Variants in ASPM observed in about 807,000 individuals in gnomAD.
ASPM encodes abnormal spindle-like microcephaly-associated protein.
A neutral mutation model predicts 366.4 loss-of-function variants in ASPM; 256 were observed. The observed-to-expected ratio is 0.70, with a 90% CI of 0.63 to 0.77. The LOEUF is 0.77. ASPM is among the 30% of genes least tolerant of loss of function. The pLI is 0.00. For missense variants in ASPM, 4,146 were observed against 4,090.4 expected (o/e 1.01, Z -0.37); for synonymous variants, 1,414 against 1,342.9 (o/e 1.05, Z -1.16).
chr1:197,121,710 A>G (rs1657908795), intron 16 of ASPM, among the ~76,000 whole-genome samples: 1 of 152,186 alleles, frequency 6.6e-6, no homozygotes, highest in South Asian at 2.1e-4. Context: ...GGGTGGACAG[A>G]CTGGAAGATA....
At position 197,117,959 on chromosome 1, in the gene ASPM, T is replaced by A; in HGVS notation, c.3895A>T (p.Ile1299Phe). ...AGAAAATTGATTACAGCCAATTGAATAATTCTTGCAGCTTTCTCTCTCTCC... is the reference window on the plus strand; with the variant it reads ...AGAAAATTGATTACAGCCAATTGAAAAATTCTTGCAGCTTTCTCTCTCTCC... The part of the protein sequence containing the change: ...HQEREKAARI[I>F]QLAVINFLAK... The change falls in exon 17 of 28, where the codon ATT becomes TTT. Residue 1299 changes from isoleucine (I) to phenylalanine (F), a missense_variant. Around this residue, in one of 3 missense-constraint regions of ASPM, gnomAD observed 3,624 missense variants for 3,591.7 expected, o/e 1.01. Coordinates refer to ENST00000367409, the MANE Select transcript of ASPM (RefSeq NM_018136.5). The A allele has an allele frequency of 6.2e-7, 1 of 1,613,536 alleles. No homozygotes were observed. The highest frequency in any genetic ancestry group is 8.5e-7 in the Non-Finnish European group (1 of 1,179,648).
chr1:197,129,112 G>C, intron 9 of ASPM, 75 bp downstream of exon 9: 2 of 1,531,852 alleles, frequency 1.3e-6, no homozygotes, highest in South Asian at 2.4e-5. Flanking sequence ...TTTCTAAAGA[G>C]AAAACATACC....
Position 197,084,340 on chromosome 1 carries a change from A to G in ASPM, c.10418T>C (p.Leu3473Pro), listed in dbSNP as rs142462732. 7.4e-6 allele frequency: 12 copies of G among 1,611,006 alleles called. No individual in the cohort carries two copies. The highest frequency in any genetic ancestry group is 9.3e-6 in the Non-Finnish European group (11 of 1,177,680). ...TTACATTTACTAATAAGGAATGCCAAGCGTATCCATCACCATTTGAATAGC... is the reference window on the plus strand; with the variant it reads ...TTACATTTACTAATAAGGAATGCCAGGCGTATCCATCACCATTTGAATAGC... ...LQAIQMVMDT[L>P]GIPY Residue 3473 changes from leucine to proline, a missense_variant, in exon 28 of 28, where the codon CTT becomes CCT. Coordinates refer to ENST00000367409, the MANE Select transcript of ASPM (RefSeq NM_018136.5).
intron 10 of ASPM, among the ~76,000 whole-genome samples, 153 bp from the exon 11 acceptor site, chr1:197,125,344 T>G (rs919760216): frequency 5.9e-5 from 9 of 152,204 alleles, no homozygotes; most frequent in African/African-American, 1.9e-4. Flanking sequence ...ACTCTGTTGC[T>G]CCATAGTCGG....
At position 197,094,125 on chromosome 1, in the gene ASPM, G is replaced by T. The variant is rs1198434711; in HGVS notation, c.9043C>A (p.Leu3015Ile). Residue 3015 changes from leucine to isoleucine, a missense_variant, in exon 20 of 28, where the codon CTT becomes ATT. By Grantham distance (5) the Leu-to-Ile change is conservative (BLOSUM62 2). This residue lies in a region of ASPM where 3,624 missense variants were observed against 3,591.7 expected (regional missense o/e 1.01). Transcript: ENST00000367409. ...IIIQRKWRAILPAKIAHEHFL... is the reference protein window; with the variant it reads ...IIIQRKWRAIIPAKIAHEHFL... ...TGTTCATGAGCTATCTTTGCAGGAA[G>T]TATAGCTCTCCATTTTCTCTGAATG... The T allele has an allele frequency of 6.2e-7, 1 of 1,607,098 alleles. No homozygotes were observed. The highest frequency in any genetic ancestry group is 1.1e-5 in the South Asian group (1 of 90,486).
At chr1:197,138,779 T>C (rs375403120) in intron 4 of ASPM, 5 of 734,622 alleles carry the variant, frequency 6.8e-6, no homozygotes, top group Non-Finnish European at 1.2e-5. Context: ...TTTCTTTGTA[T>C]TGGTGCTCAG....
chr1:197,136,071 C>T (rs1658411044), intron 4 of ASPM, among the ~76,000 whole-genome samples: 1 of 152,152 alleles, frequency 6.6e-6, no homozygotes, highest in Non-Finnish European at 1.5e-5. Flanking sequence ...AACTTGAAGG[C>T]CAGTAGGCAG....
chr1:197,125,025 T>A (rs1658046192), intron 11 of ASPM, 21 bp downstream of exon 11: 1 of 1,612,820 alleles, frequency 6.2e-7, no homozygotes, highest in African/African-American at 1.3e-5. Flanking sequence ...AGAATAAGTT[T>A]TACCTCTACT....
At chr1:197,097,845 G>A (rs1657026829) in intron 18 of ASPM, among the ~76,000 whole-genome samples, 1 of 151,426 alleles carries the variant, frequency 6.6e-6, no homozygotes, top group Admixed American at 6.6e-5. Context: ...TTTGCTTGTG[G>A]CAGTTATAAG....
chr1:197,122,106 T>A (rs1188558131), intron 15 of ASPM, 53 bp downstream of exon 15: 8 of 1,599,882 alleles, frequency 5.0e-6, no homozygotes, highest in Non-Finnish European at 6.8e-6. Flanking sequence ...CTTACTATCA[T>A]CTTCTGAGAC....
chr1:197,122,693 G>A, intron 13 of ASPM, 98 bp from the exon 14 acceptor site: 1 of 1,176,290 alleles, frequency 8.5e-7, no homozygotes, highest in South Asian at 1.3e-5. Context: ...GCAGAGACTG[G>A]AGTGACAAAT....
chr1:197,090,828 A>T (rs915309751), intron 23 of ASPM, 22 bp downstream of exon 23: 1 of 1,601,878 alleles, frequency 6.2e-7, no homozygotes, highest in African/African-American at 1.3e-5. Flanking sequence ...TTTTGAACTA[A>T]AACTATACAA....
chr1:197,108,386 T>C (rs12034362), intron 17 of ASPM, among the ~76,000 whole-genome samples: 26,579 of 151,568 alleles, frequency 0.18, 3,847 homozygotes, highest in East Asian at 0.69. Flanking sequence ...AAACAAGAAA[T>C]AATAAAGACT....
In ASPM at chr1:197,122,489, G is replaced by A. The variant is rs763715638; in HGVS notation, c.3497C>T (p.Thr1166Ile). The change falls in exon 14 of 28, where the codon ACT becomes ATT. Residue 1166 changes from threonine (T) to isoleucine (I), a missense_variant. Thr to Ile is a moderately conservative substitution (Grantham distance 89). This residue lies in a region of ASPM where 3,624 missense variants were observed against 3,591.7 expected (regional missense o/e 1.01). Transcript: ENST00000367409. ...AGTTTGCGTACATTCCACAGTTTGA[G>A]TAGTACGCTGACATATAGCGTCAAA... ...VPFDAICQRTTQTVECTQTGS... is the reference protein window; with the variant it reads ...VPFDAICQRTIQTVECTQTGS... The A allele has an allele frequency of 3.7e-6, 6 of 1,613,638 alleles. No homozygotes were observed. The highest frequency in any genetic ancestry group is 5.1e-6 in the Non-Finnish European group (6 of 1,179,698).
intron 4 of ASPM, 52 bp downstream of exon 4, chr1:197,139,715 T>C: frequency 2.3e-6 from 3 of 1,318,964 alleles, no homozygotes; most frequent in Non-Finnish European, 3.3e-6. Flanking sequence ...ATGCAATTAA[T>C]GCTTCATTCG....
Position 197,139,763 on chromosome 1 carries a change from T to C in ASPM, c.2026+4A>G, listed in dbSNP as rs1658527191. ...CAGAGAGTTTAAGTATAATAAATAC[T>C]TGCCTGTTTTTAATGGTTTTATGAA... On this transcript the variant is annotated splice_donor_region_variant and intron_variant, in intron 4 of 27. Transcript: ENST00000367409. 6.4e-7 allele frequency: 1 copy of C among 1,570,312 alleles called. No homozygotes were observed. Among genetic ancestry groups the C allele is most frequent in the African/African-American group, 1.4e-5 (1 of 73,874 alleles).
chr1:197,093,092 A>G lies in ASPM; in HGVS notation c.9254T>C (p.Ile3085Thr), dbSNP rs138138436. The G allele has an allele frequency of 1.9e-3, 3,074 of 1,611,970 alleles. 15 individuals are homozygous for G. The highest frequency in any genetic ancestry group is 4.4e-3 in the South Asian group (401 of 91,026). Reference sequence around the variant, plus strand: ...CCAACCACGCACCAGTGCTTGTAGGATAACTGTAGATTTTTTAAATTCAAT... The same window carrying G: ...CCAACCACGCACCAGTGCTTGTAGGGTAACTGTAGATTTTTTAAATTCAAT... ...KYIEFKKSTVILQALVRGWLV... is the reference protein window; with the variant it reads ...KYIEFKKSTVTLQALVRGWLV... The change falls in exon 21 of 28, where the codon ATC (isoleucine) becomes ACC (threonine). Residue 3085 changes from isoleucine (I) to threonine (T), a missense_variant. By Grantham distance (89) the Ile-to-Thr change is moderately conservative (BLOSUM62 -1). Coordinates refer to ENST00000367409, the MANE Select transcript of ASPM (RefSeq NM_018136.5).
intron 10 of ASPM, among the ~76,000 whole-genome samples, chr1:197,126,731 A>G (rs1023763270): frequency 1.3e-5 from 2 of 152,218 alleles, no homozygotes; most frequent in Admixed American, 6.5e-5. Flanking sequence ...GATCAGAAAG[A>G]AAAGAATGTT....
rs768224130 is a variant in ASPM at position 197,101,070 on chromosome 1, T to G, written c.8181A>C (p.Arg2727Ser). The change falls in exon 18 of 28, where the codon AGA becomes AGC. Residue 2727 changes from arginine to serine, a missense_variant. Around this residue, in one of 3 missense-constraint regions of ASPM, gnomAD observed 3,624 missense variants for 3,591.7 expected, o/e 1.01. Coordinates refer to ENST00000367409, the MANE Select transcript of ASPM (RefSeq NM_018136.5). ...VIQNYYRLYV[R>S]VKTERKNFLA... ...AAAAGTTTTTTCTTTCTGTTTTTAC[T>G]CTAACATACAACCTATAATAATTCT... 24 of 1,611,560 alleles carry G rather than the reference T, an allele frequency of 1.5e-5. No individual in the cohort carries two copies. Among genetic ancestry groups the G allele is most frequent in the Non-Finnish European group, 2.0e-5 (23 of 1,178,808 alleles).
Sources: allele counts gnomAD v4.1 joint callset (sites outside exome capture counted in the v4.1 genomes callset), GRCh38; gene constraint gnomAD v4.1.1; regional missense constraint gnomAD v4.1.1; transcripts MANE v1.5; gene names NCBI Gene and HGNC (gene_info 2026-07-23, HGNC 2026-07-21).